Variants in IGSF5 observed in about 807,000 individuals in gnomAD.
IGSF5 encodes the protein immunoglobulin superfamily 5 like.
In IGSF5, 41 loss-of-function variants were observed where a neutral mutation model predicts 39.4. That is an observed-to-expected ratio of 1.04 (90% CI 0.81 to 1.35). The LOEUF is 1.35. Among genes scored for constraint, IGSF5 ranks in the 40% most tolerant of loss-of-function variants. The pLI, the probability that IGSF5 is intolerant of heterozygous loss-of-function variation, is 0.00. For missense variants in IGSF5, 487 were observed against 494.6 expected (o/e 0.98, Z 0.15); for synonymous variants, 183 against 175.3 (o/e 1.04, Z -0.34).
intron 2 of IGSF5, among the ~76,000 whole-genome samples, chr21:39,760,274 G>T (rs1478609665): frequency 6.6e-6 from 1 of 152,112 alleles, no homozygotes; most frequent in African/African-American, 2.4e-5. Flanking sequence ...GTAGGCACTG[G>T]GATGTAAGAT....
At chr21:39,797,974 T>TCGGCGG (rs1212957348) in intron 8 of IGSF5, among the ~76,000 whole-genome samples, 355 of 152,326 alleles carry the variant, frequency 2.3e-3, no homozygotes, top group Non-Finnish European at 4.5e-3. Flanking sequence ...GCCTTTGTGA[T>TCGGCGG]CAGCGGCACT....
At chr21:39,780,974 A>G (rs753875133) in intron 5 of IGSF5, among the ~76,000 whole-genome samples, 1 of 152,238 alleles carries the variant, frequency 6.6e-6, no homozygotes, top group Non-Finnish European at 1.5e-5. Context: ...GTTGAACTAC[A>G]TTTTAAGTTT....
At chr21:39,779,658 A>G (rs554540959) in intron 5 of IGSF5, among the ~76,000 whole-genome samples, 261 of 152,350 alleles carry the variant, frequency 1.7e-3, no homozygotes, top group African/African-American at 5.9e-3. Flanking sequence ...ACCTATGTAC[A>G]TCAATAGATG....
intron 8 of IGSF5, among the ~76,000 whole-genome samples, chr21:39,794,220 T>C (rs1488084994): frequency 1.3e-5 from 2 of 152,054 alleles, no homozygotes; most frequent in Non-Finnish European, 2.9e-5. Flanking sequence ...GAGGCTGGAG[T>C]TGCCATTAAC....
chr21:39,740,271 G>A (rs886951460), upstream of IGSF5, among the ~76,000 whole-genome samples: 51 of 152,226 alleles, frequency 3.4e-4, 1 homozygote, highest in East Asian at 4.6e-3. Flanking sequence ...TCTGCTTGGC[G>A]GTTCCTTTCT....
intron 1 of IGSF5, 59 bp downstream of exon 1, chr21:39,745,585 A>C (rs2079969983): frequency 1.4e-6 from 1 of 713,950 alleles, no homozygotes; most frequent in South Asian, 1.5e-5. Context: ...CCATGATCTC[A>C]ATCAGCTACT....
At chr21:39,777,974 A>G (rs1278801562) in intron 4 of IGSF5, among the ~76,000 whole-genome samples, 2 of 152,172 alleles carry the variant, frequency 1.3e-5, no homozygotes, top group Non-Finnish European at 2.9e-5. Flanking sequence ...CTGTTTCAGT[A>G]TTTTCTAAAG....
chr21:39,774,735 A>G (rs748165968), intron 4 of IGSF5, among the ~76,000 whole-genome samples: 2 of 152,230 alleles, frequency 1.3e-5, no homozygotes, highest in African/African-American at 2.4e-5. Context: ...TGAAATGGTT[A>G]AAATGAAGTA....
the IGSF5 span, among the ~76,000 whole-genome samples, chr21:39,737,896 C>A: frequency 6.6e-6 from 1 of 152,126 alleles, no homozygotes; most frequent in Admixed American, 6.5e-5. Flanking sequence ...TTATGACCCA[C>A]AAACAGGCTA....
intron 2 of IGSF5, among the ~76,000 whole-genome samples, chr21:39,756,500 C>T (rs981758805): frequency 9.2e-5 from 14 of 152,294 alleles, no homozygotes; most frequent in African/African-American, 2.9e-4. Flanking sequence ...TAAAGTCTCT[C>T]CTCAAAGTCC....
At position 39,767,339 on chromosome 21, in the gene IGSF5, T is replaced by A. The variant is rs565031861; in HGVS notation, c.418+1487T>A. 3.0e-4 allele frequency among the ~76,000 whole-genome samples: 45 copies of A among 152,210 alleles called. 1 individual carries two copies. Among genetic ancestry groups the A allele is most frequent in the South Asian group, 2.3e-3 (11 of 4,806 alleles). ...AAATGGCTAAAGATGGTTTGATGACTCCAAAGTCCTGTCTGATTCAATTCC... is the reference window on the plus strand; with the variant it reads ...AAATGGCTAAAGATGGTTTGATGACACCAAAGTCCTGTCTGATTCAATTCC... On this transcript the variant is annotated intron_variant, in intron 3 of 8. Transcript: ENST00000380588.
intron 2 of IGSF5, among the ~76,000 whole-genome samples, chr21:39,747,895 A>G (rs2079983706): frequency 6.6e-6 from 1 of 151,996 alleles, no homozygotes; most frequent in Non-Finnish European, 1.5e-5. Context: ...AAATGGTTTA[A>G]GTGAGCAGTA....
the IGSF5 span, among the ~76,000 whole-genome samples, chr21:39,718,980 G>T: frequency 6.6e-6 from 1 of 151,948 alleles, no homozygotes; most frequent in Non-Finnish European, 1.5e-5. Flanking sequence ...TCACATCCTG[G>T]GCTTTTTTTG....
chr21:39,791,092 C>T (rs1033152862), intron 6 of IGSF5, among the ~76,000 whole-genome samples: 1 of 152,130 alleles, frequency 6.6e-6, no homozygotes, highest in African/African-American at 2.4e-5. Context: ...TGTATCTAGT[C>T]CTAAAAGCTG....
upstream of IGSF5, among the ~76,000 whole-genome samples, chr21:39,745,058 T>C (rs1465055275): frequency 4.4e-5 from 2 of 45,498 alleles, no homozygotes; most frequent in African/African-American, 2.0e-4. Context: ...AGGGCACACT[T>C]TTTTTTTTTT....
chr21:39,763,013 G>A (rs1427002268), intron 2 of IGSF5, among the ~76,000 whole-genome samples: 1 of 152,136 alleles, frequency 6.6e-6, no homozygotes, highest in Non-Finnish European at 1.5e-5. Flanking sequence ...TTTTAAGTGA[G>A]GCAGGTGACT....
chr21:39,781,278 G>A (rs550187815), intron 5 of IGSF5, among the ~76,000 whole-genome samples: 18 of 152,188 alleles, frequency 1.2e-4, no homozygotes, highest in African/African-American at 3.6e-4. Flanking sequence ...GTATATCCTG[G>A]AAATCAATCC....
chr21:39,785,037 T>G (rs1440660719), intron 5 of IGSF5, among the ~76,000 whole-genome samples: 1 of 136,684 alleles, frequency 7.3e-6, no homozygotes, highest in Admixed American at 8.5e-5. Flanking sequence ...CATTGTTCCC[T>G]TTTCTTTTTT....
intron 2 of IGSF5, 62 bp from the exon 3 acceptor site, chr21:39,765,473 G>T: frequency 2.0e-6 from 3 of 1,475,794 alleles, no homozygotes; most frequent in Non-Finnish European, 2.8e-6. Context: ...AAAGGTTACA[G>T]CACACAGTTG....
Sources: gnomAD v4.1 joint callset for allele counts (sites outside exome capture counted in the v4.1 genomes callset) on GRCh38, gnomAD v4.1.1 for gene constraint, MANE v1.5 for transcripts, NCBI Gene and HGNC (gene_info 2026-07-23, HGNC 2026-07-21) for gene names.